Variants in THSD4 observed in about 807,000 individuals in gnomAD.
THSD4 encodes thrombospondin type-1 domain-containing protein 4.
In THSD4, 69 loss-of-function variants were observed where a neutral mutation model predicts 119.0. The observed-to-expected ratio is 0.58, with a 90% confidence interval of 0.48 to 0.71. The LOEUF (loss-of-function observed/expected upper bound fraction) is 0.71, where lower values mean the gene tolerates loss of function less well. Ranked by LOEUF, THSD4 falls within the 30% of genes least tolerant of loss-of-function variation. The pLI, the probability that THSD4 is intolerant of heterozygous loss-of-function variation, is 0.00. For synonymous variants in THSD4, 524 were observed against 540.4 expected, an observed-to-expected ratio of 0.97 and a Z score of 0.42; for missense variants, 1,393 against 1,391.1, an observed-to-expected ratio of 1.00 and a Z score of -0.02.
intron 4 of THSD4, among the ~76,000 whole-genome samples, chr15:71,234,783 C>T (rs947710904): frequency 6.6e-6 from 1 of 152,140 alleles, no homozygotes; most frequent in African/African-American, 2.4e-5. Flanking sequence ...TTGAGTCTTC[C>T]CTTCTCTGGC....
chr15:71,730,911 C>T (rs957040421), intron 9 of THSD4: 6 of 540,996 alleles, frequency 1.1e-5, no homozygotes, highest in South Asian at 2.2e-5. Context: ...CTGATTTGCT[C>T]GGCCTAAGTT....
intron 14 of THSD4, among the ~76,000 whole-genome samples, chr15:71,751,033 A>T (rs115430358): frequency 3.3e-5 from 5 of 152,184 alleles, no homozygotes; most frequent in African/African-American, 4.8e-5. Context: ...GTACAGCTCA[A>T]GGTGTCAAGA....
chr15:71,543,156 A>G (rs2048786057), intron 7 of THSD4, among the ~76,000 whole-genome samples: 1 of 152,152 alleles, frequency 6.6e-6, no homozygotes, highest in South Asian at 2.1e-4. Context: ...TAGTTTTCAT[A>G]AATGTATCAT....
In THSD4 at chr15:71,133,834, A is replaced by G. The variant is rs763787236; in HGVS notation, c.-79-7615A>G. Among the ~76,000 whole-genome samples, 80 of 152,326 alleles carry G rather than the reference A, an allele frequency of 5.3e-4. 1 individual carries two copies. Among genetic ancestry groups the G allele is most frequent in the Non-Finnish European group, 8.1e-4 (55 of 68,034 alleles). ...AACGTTTTTTTAGGACTGAAAACAG[A>G]TATAAACCACACCACTGTTAATGAC... On this transcript the variant is annotated intron_variant, in intron 1 of 17. Coordinates refer to ENST00000261862, the MANE Select transcript of THSD4 (RefSeq NM_024817.3).
intron 7 of THSD4, among the ~76,000 whole-genome samples, chr15:71,562,713 C>T (rs11072299): frequency 0.9 from 124,861 of 138,802 alleles, 57,565 homozygotes; most frequent in South Asian, 1. Flanking sequence ...TTTTTTTTTT[C>T]TTTTCTGAAA....
chr15:71,459,346 G>GTCTCTC (rs57397281), intron 7 of THSD4, among the ~76,000 whole-genome samples: 2 of 120,978 alleles, frequency 1.7e-5, no homozygotes, highest in African/African-American at 6.0e-5. Context: ...CTGTCTCTCT[G>GTCTCTC]TCTCTCTCTC....
chr15:71,151,361 A>G (rs2141380128), intron 2 of THSD4, among the ~76,000 whole-genome samples: 2 of 151,862 alleles, frequency 1.3e-5, no homozygotes, highest in East Asian at 1.9e-4. Context: ...GAGGTGTAAC[A>G]TGTTTATGGA....
chr15:71,302,750 C>T (rs1410681594), intron 6 of THSD4, among the ~76,000 whole-genome samples: 1 of 152,038 alleles, frequency 6.6e-6, no homozygotes, highest in Non-Finnish European at 1.5e-5. Flanking sequence ...CATGATCTGT[C>T]ACCCTGCTTC....
upstream of THSD4, chr15:71,110,882 T>C: frequency 2.1e-6 from 1 of 483,494 alleles, no homozygotes; most frequent in Middle Eastern, 5.5e-4. Context: ...TGATCAGCCA[T>C]GCTTGAGAAG....
In THSD4 at chr15:71,743,717, G is replaced by A. The variant is rs57091071; in HGVS notation, c.1907-1389G>A. Among the ~76,000 whole-genome samples, 1,198 of 152,190 alleles carry A rather than the reference G, an allele frequency of 7.9e-3. 25 individuals carry two copies. Among genetic ancestry groups the A allele is most frequent in the Admixed American group, 0.041 (619 of 15,278 alleles). On this transcript the variant is annotated intron_variant, in intron 11 of 17. Transcript: ENST00000261862. ...ACCAGGGTAATTTAAACAAATGATC[G>A]TTTCAGATTCAACACTGTCTTGCAA...
At chr15:71,303,398 A>G (rs1368873391) in intron 6 of THSD4, among the ~76,000 whole-genome samples, 4 of 152,212 alleles carry the variant, frequency 2.6e-5, no homozygotes, top group African/African-American at 7.2e-5. Flanking sequence ...TTGGCTAAAG[A>G]GGGAATGGGA....
intron 12 of THSD4, among the ~76,000 whole-genome samples, chr15:71,745,663 T>C (rs959552278): frequency 6.6e-6 from 1 of 152,240 alleles, no homozygotes; most frequent in African/African-American, 2.4e-5. Flanking sequence ...GTTTTGTTTT[T>C]GTTTTTATGG....
intron 7 of THSD4, among the ~76,000 whole-genome samples, chr15:71,414,405 G>A (rs1343748520): frequency 1.3e-5 from 2 of 152,218 alleles, no homozygotes; most frequent in South Asian, 2.1e-4. Flanking sequence ...GAAACACTGG[G>A]GGATTGCAGA....
At chr15:71,099,688 G>A (rs1352847082) in intron 1 of THSD4, among the ~76,000 whole-genome samples, 2 of 151,836 alleles carry the variant, frequency 1.3e-5, no homozygotes, top group African/African-American at 4.8e-5. Context: ...GATTTTGCTG[G>A]GCATGGTGGC....
intron 7 of THSD4, among the ~76,000 whole-genome samples, chr15:71,651,940 C>T (rs982195299): frequency 2.6e-5 from 4 of 152,146 alleles, no homozygotes; most frequent in Non-Finnish European, 4.4e-5. Context: ...ACAAAGATGC[C>T]GGCGTGAATC....
At chr15:71,108,331 T>C (rs890796906) in intron 1 of THSD4, among the ~76,000 whole-genome samples, 2 of 152,230 alleles carry the variant, frequency 1.3e-5, no homozygotes, top group Non-Finnish European at 2.9e-5. Flanking sequence ...GGGGTCCACA[T>C]TGCTGGGCTA....
intron 3 of THSD4, chr15:71,183,858 C>T (rs1403177318): frequency 6.6e-6 from 1 of 151,774 alleles, no homozygotes; most frequent in Admixed American, 6.6e-5. Flanking sequence ...ATGGTCTCTA[C>T]CCAATAGATG....
At chr15:71,466,879 T>G (rs751516) in intron 7 of THSD4, among the ~76,000 whole-genome samples, 23,573 of 152,240 alleles carry the variant, frequency 0.15, 2,310 homozygotes, top group East Asian at 0.3. Context: ...TGAGCCCTGT[T>G]GAGTCTGGGG....
chr15:71,347,240 TTATCTTTTA>T (rs199525675), intron 6 of THSD4, among the ~76,000 whole-genome samples: 1,576 of 152,164 alleles, frequency 0.01, 26 homozygotes, highest in African/African-American at 0.036. Flanking sequence ...CTAGGTTCCA[TTATCTTTTA>T]TATTTTTACT....
Sources: allele counts gnomAD v4.1 joint callset (sites outside exome capture counted in the v4.1 genomes callset), GRCh38; gene constraint gnomAD v4.1.1; transcripts MANE v1.5; gene names NCBI Gene and HGNC (gene_info 2026-07-23, HGNC 2026-07-21).